The following GPC6 variants were observed in gnomAD, a reference collection of about 807,000 sequenced individuals.
GPC6 encodes glypican-6.
A neutral mutation model predicts 55.2 loss-of-function variants in GPC6; 14 were observed. The observed-to-expected ratio is 0.25, with a 90% CI of 0.17 to 0.40. The LOEUF is 0.40. GPC6 is among the 10% of genes least tolerant of loss of function. The pLI is 1.00. For synonymous variants in GPC6, 278 were observed against 259.6 expected, an observed-to-expected ratio of 1.07 and a Z score of -0.68; for missense variants, 641 against 708.5, an observed-to-expected ratio of 0.90 and a Z score of 1.08.
intron 1 of GPC6, among the ~76,000 whole-genome samples, chr13:93,470,078 T>C (rs557172154): frequency 6.6e-6 from 1 of 152,032 alleles, no homozygotes; most frequent in Non-Finnish European, 1.5e-5. Context: ...TCCTTTGCCA[T>C]TTTTTTGGTA....
chr13:93,222,918 T>C (rs936257623), upstream of GPC6, among the ~76,000 whole-genome samples: 2 of 152,054 alleles, frequency 1.3e-5, no homozygotes, highest in Middle Eastern at 3.2e-3. Flanking sequence ...GTCTGTCTTC[T>C]AGCAATGTCT....
chr13:94,369,470 A>C (rs1879434810), intron 6 of GPC6, among the ~76,000 whole-genome samples: 1 of 152,350 alleles, frequency 6.6e-6, no homozygotes, highest in African/African-American at 2.4e-5. Context: ...AAAAGCAATA[A>C]TGGAGTTCAC....
rs368337155 is a variant in GPC6 at position 93,967,942 on chromosome 13, G to T, written c.712-59787G>T. Among the ~76,000 whole-genome samples the T allele has an allele frequency of 1.2e-4, 18 of 152,182 alleles. No individual in the cohort carries two copies. The East Asian group carries it at 3.5e-3, about 29-fold the overall frequency. ...ATCTTCTGTAAACATAATCTAATAGGTAATCCCGTGGGCATTGACTCAGTA... is the reference window on the plus strand; with the variant it reads ...ATCTTCTGTAAACATAATCTAATAGTTAATCCCGTGGGCATTGACTCAGTA... On this transcript the variant is annotated intron_variant, in intron 3 of 8. Coordinates refer to ENST00000377047, the MANE Select transcript of GPC6 (RefSeq NM_005708.5).
intron 1 of GPC6, among the ~76,000 whole-genome samples, chr13:93,337,394 C>T (rs1337344800): frequency 2.0e-5 from 3 of 152,122 alleles, no homozygotes; most frequent in Admixed American, 1.3e-4. Flanking sequence ...TTAACACATA[C>T]ATTGTACTTA....
intron 1 of GPC6, among the ~76,000 whole-genome samples, chr13:93,322,861 C>T (rs925778454): frequency 3.9e-5 from 6 of 152,022 alleles, no homozygotes; most frequent in East Asian, 1.9e-4. Flanking sequence ...AATAGGTATA[C>T]GCGTGCCATG....
chr13:94,271,002 T>C (rs1426336565), intron 4 of GPC6, among the ~76,000 whole-genome samples: 2 of 64,902 alleles, frequency 3.1e-5, no homozygotes, highest in Non-Finnish European at 5.6e-5. Flanking sequence ...TTTTTTTTTT[T>C]TTTCTGAGAC....
At chr13:94,365,745 A>G (rs1018609745) in intron 6 of GPC6, among the ~76,000 whole-genome samples, 3 of 152,196 alleles carry the variant, frequency 2.0e-5, no homozygotes, top group African/African-American at 7.2e-5. Flanking sequence ...CATGTTTGCA[A>G]TATCTTACGT....
At chr13:93,545,210 C>A in intron 1 of GPC6, 53 bp from the exon 2 acceptor site, 2 of 1,462,496 alleles carry the variant, frequency 1.4e-6, no homozygotes, top group South Asian at 1.1e-5. Flanking sequence ...AAATCTCTAA[C>A]GTCTACCAAA....
rs539287832 is a variant in GPC6, at chr13:93,926,727, A to G, written c.711+96182A>G. On this transcript the variant is annotated intron_variant, in intron 3 of 8. Transcript: ENST00000377047. ...TGTAATGATCTGACTCATTGAAATG[A>G]TAAGATTCCCAGCTTTAGGCAGGCA... Among the ~76,000 whole-genome samples the G allele has an allele frequency of 5.3e-5, 8 of 152,310 alleles. No homozygotes were observed. In the South Asian group the frequency reaches 1.4e-3, roughly 28 times the overall value.
At chr13:93,299,604 T>TATGGAGCC (rs1397694295) in intron 1 of GPC6, among the ~76,000 whole-genome samples, 1 of 152,222 alleles carries the variant, frequency 6.6e-6, no homozygotes, top group Admixed American at 6.5e-5. Context: ...AGTTAAAGCA[T>TATGGAGCC]ATGGAGCCAT....
intron 1 of GPC6, among the ~76,000 whole-genome samples, chr13:93,231,379 ACATATATATATATATATG>A (rs1566533478): frequency 1.2e-3 from 20 of 17,048 alleles, no homozygotes; most frequent in African/African-American, 2.6e-3. Flanking sequence ...ATATATATAT[ACATATATATATATATATG>A]TATATATATA....
At chr13:93,532,425 G>A (rs938560127) in intron 1 of GPC6, among the ~76,000 whole-genome samples, 12 of 151,950 alleles carry the variant, frequency 7.9e-5, no homozygotes, top group African/African-American at 2.9e-4. Flanking sequence ...AATTTTATCG[G>A]TATAAATTGA....
chr13:94,083,014 C>T (rs917319318), intron 4 of GPC6, among the ~76,000 whole-genome samples: 4 of 152,224 alleles, frequency 2.6e-5, no homozygotes, highest in Non-Finnish European at 5.9e-5. Flanking sequence ...GACTCATGAT[C>T]TGTCAGAGAT....
chr13:93,903,853 C>A lies in GPC6; in HGVS notation c.711+73308C>A, dbSNP rs143493264. On this transcript the variant is annotated intron_variant, in intron 3 of 8. Transcript: ENST00000377047. ...GTTCATTTCCCACATTCTCTGTGAC[C>A]CTTTATGTGATCAGTTATTAGTGCC... 2.7e-3 allele frequency among the ~76,000 whole-genome samples: 405 copies of A among 152,082 alleles called. 1 individual carries two copies. The highest frequency in any genetic ancestry group is 0.014 in the Middle Eastern group (4 of 294).
Position 94,247,692 on chromosome 13 carries a change from G to A in GPC6, c.878-38657G>A, listed in dbSNP as rs117476112. On this transcript the variant is annotated intron_variant, in intron 4 of 8. Transcript: ENST00000377047. Reference sequence around the variant, plus strand: ...GTTAAGCCAGCCTTGCATGTTTGGGGGTAAATCCTACTTAATCATGATGTA... The same window carrying A: ...GTTAAGCCAGCCTTGCATGTTTGGGAGTAAATCCTACTTAATCATGATGTA... 4.4e-3 allele frequency among the ~76,000 whole-genome samples: 673 copies of A among 152,034 alleles called. 1 individual carries two copies. Among genetic ancestry groups the A allele is most frequent in the Non-Finnish European group, 7.3e-3 (497 of 67,968 alleles).
intron 6 of GPC6, among the ~76,000 whole-genome samples, chr13:94,315,245 C>G (rs1876461561): frequency 6.6e-6 from 1 of 152,186 alleles, no homozygotes; most frequent in South Asian, 2.1e-4. Flanking sequence ...AGAAGCTTTT[C>G]CTATGCTGTA....
chr13:94,077,638 A>G (rs925204222), intron 4 of GPC6, among the ~76,000 whole-genome samples: 6 of 151,748 alleles, frequency 4.0e-5, no homozygotes, highest in African/African-American at 1.4e-4. Context: ...GTTGAAGTAC[A>G]TTTCTTCTAT....
At chr13:93,853,617 A>G (rs779800463) in intron 3 of GPC6, among the ~76,000 whole-genome samples, 11 of 151,560 alleles carry the variant, frequency 7.3e-5, no homozygotes, top group Non-Finnish European at 1.6e-4. Context: ...CCTGTAGACA[A>G]TTTGTCTCTT....
At chr13:93,737,171 T>G (rs981709307) in intron 2 of GPC6, among the ~76,000 whole-genome samples, 6 of 152,194 alleles carry the variant, frequency 3.9e-5, no homozygotes, top group Admixed American at 3.3e-4. Context: ...ATGACTGGCT[T>G]AAGTAAGTTG....
Sources: allele counts gnomAD v4.1 joint callset (sites outside exome capture counted in the v4.1 genomes callset), GRCh38; gene constraint gnomAD v4.1.1; transcripts MANE v1.5; gene names NCBI Gene and HGNC (gene_info 2026-07-23, HGNC 2026-07-21).